The following PTPRG variants were observed in gnomAD, a reference collection of about 807,000 sequenced individuals.
PTPRG encodes receptor-type tyrosine-protein phosphatase gamma.
PTPRG carries 102 observed loss-of-function variants against 165.3 expected under a neutral mutation model. That is an observed-to-expected ratio of 0.62 (90% CI 0.53 to 0.73). The LOEUF is 0.73. PTPRG is among the 30% of genes least tolerant of loss of function. The probability of loss-of-function intolerance (pLI) is 0.00; values close to 1 mark genes in which losing one functional copy is unlikely to be tolerated. For missense variants in PTPRG, 1,866 were observed against 1,861.4 expected (o/e 1.00, Z -0.05); for synonymous variants, 675 against 669.5 (o/e 1.01, Z -0.13).
rs569773669 is a variant in PTPRG, at chr3:62,271,806, T to G, written c.3182+251T>G. On this transcript the variant is annotated intron_variant, in intron 21 of 29. Transcript: ENST00000474889. This position sits in a 1 kb window ranked among gnomAD's most constrained non-coding sequence, Gnocchi z 4.1. Reference sequence around the variant, plus strand: ...TTATAAAATCTTCTTATTAATAATATCAGCCAGGCATGGAGGCCAACTCCT... The same window carrying G: ...TTATAAAATCTTCTTATTAATAATAGCAGCCAGGCATGGAGGCCAACTCCT... Among the ~76,000 whole-genome samples, 8 of 152,222 alleles carry G rather than the reference T, an allele frequency of 5.3e-5. No individual in the cohort carries two copies. The South Asian group carries it at 8.3e-4, about 16-fold the overall frequency.
At position 62,295,855 on chromosome 3, in the gene PTPRG, T is replaced by C. The variant is rs1351231447; in HGVS notation, c.*2548T>C. 2 of 152,088 alleles carry C rather than the reference T, an allele frequency of 1.3e-5. No individual in the cohort carries two copies. The highest frequency in any genetic ancestry group is 2.9e-5 in the Non-Finnish European group (2 of 67,992). 9.4% of individuals were successfully genotyped at this position (152,088 alleles called of 1,614,324 possible). On this transcript the variant is annotated 3_prime_UTR_variant, in exon 30 of 30. Coordinates refer to ENST00000474889, the MANE Select transcript of PTPRG (RefSeq NM_002841.4). Reference sequence around the variant, plus strand: ...TATTCATGTGTTATTGGCAAAAACATAGCTTGCATCTTTCCAGAGGCAGAG... The same window carrying C: ...TATTCATGTGTTATTGGCAAAAACACAGCTTGCATCTTTCCAGAGGCAGAG...
chr3:61,954,655 A>G (rs1210719926), intron 2 of PTPRG, among the ~76,000 whole-genome samples: 2 of 152,182 alleles, frequency 1.3e-5, no homozygotes, highest in Non-Finnish European at 2.9e-5. Context: ...ATTTAAGGTG[A>G]AGATTTGTCA....
intron 6 of PTPRG, among the ~76,000 whole-genome samples, chr3:62,142,344 G>A (rs998506041): frequency 7.2e-5 from 11 of 152,042 alleles, no homozygotes; most frequent in Non-Finnish European, 1.5e-4. Flanking sequence ...GGGGGTGGAT[G>A]AGAGAGTGAC....
chr3:61,734,822 A>G (rs1317541641), intron 1 of PTPRG, among the ~76,000 whole-genome samples: 2 of 152,326 alleles, frequency 1.3e-5, no homozygotes, highest in Non-Finnish European at 2.9e-5. Context: ...TCTCCCTGAA[A>G]TTGATTTCAC....
intron 1 of PTPRG, among the ~76,000 whole-genome samples, chr3:61,672,784 A>AGAGG (rs1453457868): frequency 8.2e-5 from 10 of 121,242 alleles, no homozygotes; most frequent in African/African-American, 1.1e-4. Context: ...GGAGAGAGGG[A>AGAGG]GAGAGAGGGA....
chr3:61,914,829 G>A (rs1445002797), intron 2 of PTPRG, among the ~76,000 whole-genome samples: 1 of 152,228 alleles, frequency 6.6e-6, no homozygotes, highest in Non-Finnish European at 1.5e-5. Context: ...TGAGGAGGAT[G>A]GGCATAGGCA....
rs921716616 is a variant in PTPRG, at chr3:62,192,884, T to G, written c.1218+1231T>G. Among the ~76,000 whole-genome samples, 7 of 152,088 alleles carry G rather than the reference T, an allele frequency of 4.6e-5. No individual in the cohort carries two copies. The East Asian group carries it at 1.2e-3, about 25-fold the overall frequency. ...GGGATTCTTAATGACTGTTATCACT[T>G]TTTTTCTCCAATACAGAGTCCTCCG... On this transcript the variant is annotated intron_variant, in intron 9 of 29. Coordinates refer to ENST00000474889, the MANE Select transcript of PTPRG (RefSeq NM_002841.4).
rs566905742 is a variant in PTPRG, at chr3:61,572,201, A to G, written c.85+9829A>G. Among the ~76,000 whole-genome samples, 102 of 152,280 alleles carry G rather than the reference A, an allele frequency of 6.7e-4. 1 individual carries two copies. Among genetic ancestry groups the G allele is most frequent in the African/African-American group, 2.3e-3 (96 of 41,538 alleles). ...TGAGGGAGTAGCAGACAAGGTGGTG[A>G]GTGGAACTTGGTTAATGGAATGCCT... On this transcript the variant is annotated intron_variant, in intron 1 of 29. Coordinates refer to ENST00000474889, the MANE Select transcript of PTPRG (RefSeq NM_002841.4).
At chr3:61,942,732 A>T (rs1009730787) in intron 2 of PTPRG, among the ~76,000 whole-genome samples, 3 of 152,238 alleles carry the variant, frequency 2.0e-5, no homozygotes, top group African/African-American at 7.2e-5. Context: ...ATTTATGTTT[A>T]CTGTAACATA....
chr3:61,980,001 A>G (rs1056536473), intron 2 of PTPRG, among the ~76,000 whole-genome samples: 43 of 152,008 alleles, frequency 2.8e-4, no homozygotes, highest in Non-Finnish European at 4.4e-5. Context: ...CTAAACACCA[A>G]ACTCCCAAAT....
intron 4 of PTPRG, among the ~76,000 whole-genome samples, chr3:62,033,665 T>G (rs1198761986): frequency 6.6e-6 from 1 of 151,640 alleles, no homozygotes; most frequent in East Asian, 2.0e-4. Context: ...ACGCCTGGCT[T>G]CCCTGTACTT....
chr3:62,102,033 A>G (rs1470093028), intron 5 of PTPRG, among the ~76,000 whole-genome samples: 1 of 151,744 alleles, frequency 6.6e-6, no homozygotes, highest in Non-Finnish European at 1.5e-5. Flanking sequence ...CTTCTTTCCT[A>G]TTTAAAATGT....
chr3:61,607,837 C>T (rs941855763), intron 1 of PTPRG, among the ~76,000 whole-genome samples: 1 of 151,986 alleles, frequency 6.6e-6, no homozygotes, highest in Admixed American at 6.6e-5. Context: ...AGAGCCACAG[C>T]GAGGGGCTGG....
At chr3:62,007,463 A>G (rs775595372) in intron 4 of PTPRG, among the ~76,000 whole-genome samples, 1 of 152,260 alleles carries the variant, frequency 6.6e-6, no homozygotes, top group Non-Finnish European at 1.5e-5. Context: ...TTGAAGTCAG[A>G]TTACAATGCC....
intron 2 of PTPRG, among the ~76,000 whole-genome samples, chr3:61,761,756 C>CAA: frequency 6.6e-6 from 1 of 152,190 alleles, no homozygotes; most frequent in Non-Finnish European, 1.5e-5. Flanking sequence ...CCACATTCTT[C>CAA]CAGCTTGAAA....
rs375797802 is a variant in PTPRG at position 61,908,435 on chromosome 3, T to G, written c.191-81190T>G. On this transcript the variant is annotated intron_variant, in intron 2 of 29. Transcript: ENST00000474889. Reference sequence around the variant, plus strand: ...GCAAAAAAAAAAAAAAAAAAAAAAATCAGTTTTTCAGAAGTGGAAATCTAG... The same window carrying G: ...GCAAAAAAAAAAAAAAAAAAAAAAAGCAGTTTTTCAGAAGTGGAAATCTAG... Among the ~76,000 whole-genome samples the G allele has an allele frequency of 3.6e-4, 43 of 119,186 alleles. 1 individual carries two copies. The highest frequency in any genetic ancestry group is 1.3e-3 in the African/African-American group (40 of 29,838). 78.2% of individuals were successfully genotyped at this position (119,186 alleles called of 152,430 possible).
At chr3:61,648,712 TTTCTATTAGG>T (rs1055220572) in intron 1 of PTPRG, among the ~76,000 whole-genome samples, 3 of 152,172 alleles carry the variant, frequency 2.0e-5, no homozygotes, top group Non-Finnish European at 4.4e-5. Context: ...GGCAGACATT[TTTCTATTAGG>T]TTCTATTACC....
chr3:61,932,189 T>G (rs2039378373), intron 2 of PTPRG, among the ~76,000 whole-genome samples: 1 of 152,210 alleles, frequency 6.6e-6, no homozygotes, highest in Admixed American at 6.5e-5. Context: ...AACTAGCTCC[T>G]TTCTGAAGCC....
chr3:61,741,328 TTA>T (rs1469271439), intron 1 of PTPRG, among the ~76,000 whole-genome samples: 9 of 152,220 alleles, frequency 5.9e-5, no homozygotes, highest in Admixed American at 5.9e-4. Flanking sequence ...TTTAGTTGGC[TTA>T]TGTTTTGGCA....
Sources: allele counts gnomAD v4.1 joint callset (sites outside exome capture counted in the v4.1 genomes callset), GRCh38; gene constraint gnomAD v4.1.1; non-coding constraint Gnocchi (gnomAD v3.1); transcripts MANE v1.5; gene names NCBI Gene and HGNC (gene_info 2026-07-23, HGNC 2026-07-21).